Variants in PTPRN2 observed in about 807,000 individuals in gnomAD.
The protein encoded by PTPRN2 is receptor-type tyrosine-protein phosphatase N2.
A neutral mutation model predicts 118.8 loss-of-function variants in PTPRN2; 74 were observed. The observed-to-expected ratio is 0.62, with a 90% confidence interval of 0.52 to 0.76. The LOEUF (loss-of-function observed/expected upper bound fraction) is 0.76, where lower values mean the gene tolerates loss of function less well. Ranked by LOEUF, PTPRN2 falls within the 30% of genes least tolerant of loss-of-function variation. PTPRN2 has a pLI of 0.00. For missense variants in PTPRN2, 1,481 were observed against 1,394.4 expected, an observed-to-expected ratio of 1.06 and a Z score of -0.99; for synonymous variants, 641 against 608.0, an observed-to-expected ratio of 1.05 and a Z score of -0.80.
Position 157,756,132 on chromosome 7 carries a change from T to A in PTPRN2, c.1789-73195A>T, listed in dbSNP as rs184183442. On this transcript the variant is annotated intron_variant, in intron 12 of 22. Transcript: ENST00000389418. ...TAGGAAATGCCAGAAAGACCAGACTTCTTTACAATCAAAGAATTACGTGTA... is the reference window on the plus strand; with the variant it reads ...TAGGAAATGCCAGAAAGACCAGACTACTTTACAATCAAAGAATTACGTGTA... Among the ~76,000 whole-genome samples, 912 of 152,292 alleles carry A rather than the reference T, an allele frequency of 6.0e-3. 3 individuals carry two copies. Among genetic ancestry groups the A allele is most frequent in the Non-Finnish European group, 9.1e-3 (616 of 68,030 alleles).
chr7:157,807,238 C>T (rs566693744), intron 12 of PTPRN2, among the ~76,000 whole-genome samples: 82 of 152,308 alleles, frequency 5.4e-4, no homozygotes, highest in African/African-American at 1.8e-3. Flanking sequence ...CAGCCCTTTC[C>T]GTGCCCTCTT....
At chr7:158,436,973 T>A (rs376081255) in intron 2 of PTPRN2, among the ~76,000 whole-genome samples, 156 of 152,318 alleles carry the variant, frequency 1.0e-3, no homozygotes, top group Non-Finnish European at 2.0e-3. Context: ...ATAGATTTTT[T>A]AAAATCCAAG....
rs545170346 is a variant in PTPRN2, at chr7:158,199,110, T to C, written c.380+6061A>G. On this transcript the variant is annotated intron_variant, in intron 4 of 22. Coordinates refer to ENST00000389418, the MANE Select transcript of PTPRN2 (RefSeq NM_002847.5). ...TCCTTGACTCTCTTAGCCCTTAGCA[T>C]GTTCTCAGCTCCTCCTTAGACTTTA... is the stretch of plus-strand genomic sequence containing the variant. Among the ~76,000 whole-genome samples, 38 of 152,208 alleles carry C rather than the reference T, an allele frequency of 2.5e-4. No individual in the cohort carries two copies. The South Asian group carries it at 3.5e-3, about 14-fold the overall frequency.
chr7:158,440,837 TGGC>T (rs1816973524), intron 2 of PTPRN2, among the ~76,000 whole-genome samples: 10 of 101,154 alleles, frequency 9.9e-5, no homozygotes, highest in East Asian at 6.3e-4. Flanking sequence ...GTGGTGGTGA[TGGC>T]AGTGACGGGG....
chr7:158,254,907 G>A lies in PTPRN2; in HGVS notation c.278-49634C>T, dbSNP rs543333853. Among the ~76,000 whole-genome samples, 26 of 152,372 alleles carry A rather than the reference G, an allele frequency of 1.7e-4. 1 individual carries two copies. In the South Asian group the frequency reaches 3.7e-3, roughly 22 times the overall value. ...TCTATAGCAAAATAGATCTGGACACGAATAATAAATGCGAAGCATGGTGTT... is the reference window on the plus strand; with the variant it reads ...TCTATAGCAAAATAGATCTGGACACAAATAATAAATGCGAAGCATGGTGTT... On this transcript the variant is annotated intron_variant, in intron 3 of 22. Coordinates refer to ENST00000389418, the MANE Select transcript of PTPRN2 (RefSeq NM_002847.5).
chr7:158,437,729 G>A (rs1816667616), intron 2 of PTPRN2, among the ~76,000 whole-genome samples: 1 of 152,196 alleles, frequency 6.6e-6, no homozygotes, highest in African/African-American at 2.4e-5. Context: ...TCAGCATTAT[G>A]AGACTGCCAG....
chr7:158,407,142 T>C (rs377079593), intron 2 of PTPRN2, among the ~76,000 whole-genome samples: 26,138 of 109,838 alleles, frequency 0.24, 3,109 homozygotes, highest in Admixed American at 0.37. Context: ...TCCTGCGTCC[T>C]GCGTCCTGGG....
rs561257550 is a variant in PTPRN2 at position 158,391,296 on chromosome 7, G to T, written c.164-74364C>A. Among the ~76,000 whole-genome samples, 58 of 152,318 alleles carry T rather than the reference G, an allele frequency of 3.8e-4. 1 individual carries two copies. The East Asian group carries it at 0.01, about 26-fold the overall frequency. On this transcript the variant is annotated intron_variant, in intron 2 of 22. Transcript: ENST00000389418. ...GAGCCCACGCCATCCCTCCAAGCCT[G>T]GAAGCCCAGGCGCCACCCTCCCTTG...
chr7:157,743,226 T>C (rs1800735627), intron 12 of PTPRN2, among the ~76,000 whole-genome samples: 1 of 152,204 alleles, frequency 6.6e-6, no homozygotes, highest in Non-Finnish European at 1.5e-5. Context: ...GAACCGACCA[T>C]CAGCAAAGGT....
intron 12 of PTPRN2, among the ~76,000 whole-genome samples, chr7:157,715,171 C>T (rs973300282): frequency 2.6e-5 from 4 of 152,168 alleles, no homozygotes; most frequent in Non-Finnish European, 5.9e-5. Context: ...GAAAAGCACC[C>T]CCTGCAGGGT....
chr7:158,337,381 C>A (rs1805839227), intron 2 of PTPRN2, among the ~76,000 whole-genome samples: 1 of 106,150 alleles, frequency 9.4e-6, no homozygotes, highest in African/African-American at 3.3e-5. Context: ...ACACTCTCAC[C>A]ATAAGAGGTA....
At chr7:157,877,387 G>A (rs979298221) in intron 12 of PTPRN2, among the ~76,000 whole-genome samples, 7 of 140,910 alleles carry the variant, frequency 5.0e-5, no homozygotes, top group African/African-American at 1.6e-4. Context: ...TCGGGGACCC[G>A]AGATCTGAGT....
At chr7:158,410,805 C>G (rs1813992529) in intron 2 of PTPRN2, among the ~76,000 whole-genome samples, 2 of 55,340 alleles carry the variant, frequency 3.6e-5, no homozygotes, top group Admixed American at 4.6e-4. Flanking sequence ...GACACGGAGA[C>G]ACAGGGAAGG....
chr7:158,415,401 C>CT (rs1462052733), intron 2 of PTPRN2, among the ~76,000 whole-genome samples: 1 of 152,174 alleles, frequency 6.6e-6, no homozygotes, highest in Admixed American at 6.5e-5. Context: ...ACCATCCTCT[C>CT]TAAGCCCCCA....
chr7:157,945,075 CCT>C (rs1427540102), intron 11 of PTPRN2, among the ~76,000 whole-genome samples: 1 of 152,104 alleles, frequency 6.6e-6, no homozygotes. Context: ...CGGACCAGCC[CCT>C]GTGTGAGATG....
At chr7:157,581,667 CTGAG>C (rs1199422891) in intron 17 of PTPRN2, among the ~76,000 whole-genome samples, 2 of 152,368 alleles carry the variant, frequency 1.3e-5, no homozygotes, top group African/African-American at 4.8e-5. Flanking sequence ...TTTGACCCAA[CTGAG>C]TAAGTTTACT....
At chr7:158,379,888 A>G (rs1302860812) in intron 2 of PTPRN2, among the ~76,000 whole-genome samples, 3 of 152,182 alleles carry the variant, frequency 2.0e-5, no homozygotes, top group Admixed American at 2.0e-4. Flanking sequence ...GGTGGAAGGC[A>G]AAGAGGAGCA....
chr7:157,740,625 G>A (rs909897142), intron 12 of PTPRN2, among the ~76,000 whole-genome samples: 1 of 152,210 alleles, frequency 6.6e-6, no homozygotes, highest in Admixed American at 6.5e-5. Flanking sequence ...AAATATTGTC[G>A]TCTTTCCCCA....
chr7:158,497,566 CAGA>C (rs1222147889), intron 1 of PTPRN2, among the ~76,000 whole-genome samples: 2 of 152,184 alleles, frequency 1.3e-5, no homozygotes, highest in East Asian at 3.9e-4. Flanking sequence ...GATAATCACC[CAGA>C]AGATTCTGGA....
Sources: allele counts gnomAD v4.1 joint callset (sites outside exome capture counted in the v4.1 genomes callset), GRCh38; gene constraint gnomAD v4.1.1; transcripts MANE v1.5; gene names NCBI Gene and HGNC (gene_info 2026-07-23, HGNC 2026-07-21).